Variants in CSMD3 observed in about 807,000 individuals in gnomAD.
The protein encoded by CSMD3 is CUB and Sushi multiple domains 3.
A neutral mutation model predicts 435.2 loss-of-function variants in CSMD3; 177 were observed. The ratio of observed to expected loss-of-function variants is 0.41; its 90% confidence interval spans 0.36 to 0.46. The LOEUF (loss-of-function observed/expected upper bound fraction) is 0.46. Among genes scored for constraint, CSMD3 ranks in the 20% least tolerant of loss-of-function variants. CSMD3 has a pLI of 0.34. For synonymous variants in CSMD3, 1,656 were observed against 1,520.5 expected, an observed-to-expected ratio of 1.09 and a Z score of -2.07; for missense variants, 4,265 against 4,504.6, an observed-to-expected ratio of 0.95 and a Z score of 1.52.
At chr8:113,371,463 G>A (rs2094345668) in intron 1 of CSMD3, among the ~76,000 whole-genome samples, 1 of 152,112 alleles carries the variant, frequency 6.6e-6, no homozygotes, top group East Asian at 1.9e-4. Context: ...AATGACAACA[G>A]AGGTACAATT....
chr8:112,469,160 C>CAAAAAAAAAA (rs71309771), intron 32 of CSMD3, among the ~76,000 whole-genome samples: 1 of 91,638 alleles, frequency 1.1e-5, no homozygotes, highest in Non-Finnish European at 2.2e-5. Flanking sequence ...CTACACCAGG[C>CAAAAAAAAAA]AAAAAAAAAA....
intron 1 of CSMD3, among the ~76,000 whole-genome samples, chr8:113,428,205 TATCTATCTATC>T (rs2094647655): frequency 9.1e-5 from 1 of 11,024 alleles, no homozygotes; most frequent in Non-Finnish European, 3.4e-4. Context: ...AACTGTGGGA[TATCTATCTATC>T]TATCTATCTA....
chr8:112,958,287 T>C (rs1008510057), intron 7 of CSMD3, among the ~76,000 whole-genome samples: 20 of 152,232 alleles, frequency 1.3e-4, no homozygotes, highest in Admixed American at 3.9e-4. Flanking sequence ...TTTTCTTTCA[T>C]ATGCTAAACA....
chr8:112,657,170 C>T (rs2075277840), intron 17 of CSMD3, among the ~76,000 whole-genome samples: 1 of 148,522 alleles, frequency 6.7e-6, no homozygotes, highest in African/African-American at 2.5e-5. Context: ...TAAAGCAATT[C>T]TTGTGCCTCA....
intron 13 of CSMD3, among the ~76,000 whole-genome samples, chr8:112,743,947 T>C (rs1002418040): frequency 1.3e-5 from 2 of 152,010 alleles, no homozygotes; most frequent in Non-Finnish European, 2.9e-5. Flanking sequence ...AAATCTGATA[T>C]AACCGCCAGG....
At chr8:112,712,805 A>G (rs2076638520) in intron 13 of CSMD3, among the ~76,000 whole-genome samples, 2 of 152,138 alleles carry the variant, frequency 1.3e-5, no homozygotes, top group Admixed American at 6.6e-5. Context: ...TAAAAAAAAA[A>G]AAAAAGAGCC....
rs1301238972 is a variant in CSMD3, at chr8:112,650,383, C to T, written c.3005-34G>A. ...CAAAGGGAAGAAAATAAAGAGTAAGCTTGGTGGGATTTGGAGTTGCTGAAA... is the reference window on the plus strand; with the variant it reads ...CAAAGGGAAGAAAATAAAGAGTAAGTTTGGTGGGATTTGGAGTTGCTGAAA... On this transcript the variant is annotated intron_variant, in intron 18 of 70. Transcript: ENST00000297405. 8 of 1,549,002 alleles carry T rather than the reference C, an allele frequency of 5.2e-6. No individual in the cohort carries two copies. The South Asian group carries it at 7.8e-5, about 15-fold the overall frequency.
intron 4 of CSMD3, among the ~76,000 whole-genome samples, chr8:113,112,484 C>CGT (rs1476918436): frequency 0.094 from 13,270 of 141,822 alleles, 1,101 homozygotes; most frequent in Middle Eastern, 0.16. Flanking sequence ...TACACACACA[C>CGT]ACACACACAC....
At chr8:112,337,328 A>T (rs1824671707) in intron 43 of CSMD3, among the ~76,000 whole-genome samples, 1 of 152,170 alleles carries the variant, frequency 6.6e-6, no homozygotes, top group Non-Finnish European at 1.5e-5. Context: ...GTGTGAATCA[A>T]CTATTTTTTC....
chr8:113,035,283 T>C (rs1306715746), intron 5 of CSMD3, among the ~76,000 whole-genome samples: 1 of 152,022 alleles, frequency 6.6e-6, no homozygotes, highest in Non-Finnish European at 1.5e-5. Context: ...GGATTATCAT[T>C]AGATGATGTA....
chr8:112,335,825 T>A lies in CSMD3; in HGVS notation c.7020-351A>T, dbSNP rs1259247782. ...TTTTCTTCAGCAACAGTCTTGAGAA[T>A]CACAGACTGTTAAAGTTACAACTCT... On this transcript the variant is annotated intron_variant, in intron 44 of 70. Transcript: ENST00000297405. Among the ~76,000 whole-genome samples, 3 of 151,908 alleles carry A rather than the reference T, an allele frequency of 2.0e-5. No individual in the cohort carries two copies. In the East Asian group the frequency reaches 5.8e-4, roughly 30 times the overall value.
chr8:113,207,691 A>T (rs969523824), intron 3 of CSMD3, among the ~76,000 whole-genome samples: 4 of 152,126 alleles, frequency 2.6e-5, no homozygotes, highest in East Asian at 1.9e-4. Context: ...CGAATATTAA[A>T]TTTTTTTAAG....
At chr8:112,621,066 C>A (rs867839223) in intron 22 of CSMD3, among the ~76,000 whole-genome samples, 10 of 151,924 alleles carry the variant, frequency 6.6e-5, no homozygotes, top group Middle Eastern at 3.4e-3. Context: ...AGAAACCCTG[C>A]CTCTACTAAA....
chr8:113,222,067 A>G lies in CSMD3; in HGVS notation c.515-48151T>C, dbSNP rs545207537. On this transcript the variant is annotated intron_variant, in intron 3 of 70. Transcript: ENST00000297405. ...AAGGTTAAATAAGAAATATGAATTT[A>G]TGAAATTCAAATAAATAATGTAGAT... 9.9e-5 allele frequency among the ~76,000 whole-genome samples: 15 copies of G among 151,478 alleles called. No homozygotes were observed. In the Admixed American group the frequency reaches 9.9e-4, roughly 10 times the overall value.
At chr8:113,238,319 T>C (rs1469936208) in intron 3 of CSMD3, among the ~76,000 whole-genome samples, 1 of 152,148 alleles carries the variant, frequency 6.6e-6, no homozygotes, top group East Asian at 1.9e-4. Flanking sequence ...GCGGCTTTGC[T>C]TCATGTAATT....
At chr8:113,246,910 T>C (rs553618877) in intron 3 of CSMD3, among the ~76,000 whole-genome samples, 2 of 152,188 alleles carry the variant, frequency 1.3e-5, no homozygotes, top group Non-Finnish European at 2.9e-5. Context: ...TGGAGAGGTT[T>C]GTTTGTGTGC....
intron 5 of CSMD3, among the ~76,000 whole-genome samples, chr8:113,062,926 A>G (rs560790837): frequency 2.0e-5 from 3 of 151,908 alleles, no homozygotes; most frequent in South Asian, 2.1e-4. Context: ...GGTGACTTAC[A>G]TATGTAAATA....
intron 4 of CSMD3, among the ~76,000 whole-genome samples, chr8:113,153,122 A>AG (rs1491549612): frequency 9.7e-6 from 1 of 103,002 alleles, no homozygotes; most frequent in African/African-American, 4.4e-5. Context: ...AGAAAGAAAG[A>AG]AAGAGAAAGA....
intron 1 of CSMD3, among the ~76,000 whole-genome samples, chr8:113,398,686 T>C (rs1483808541): frequency 6.6e-6 from 1 of 152,186 alleles, no homozygotes; most frequent in Non-Finnish European, 1.5e-5. Flanking sequence ...TGCTTATTAT[T>C]AGCATTGTTC....
Sources: allele counts gnomAD v4.1 joint callset (sites outside exome capture counted in the v4.1 genomes callset), GRCh38; gene constraint gnomAD v4.1.1; transcripts MANE v1.5; gene names NCBI Gene and HGNC (gene_info 2026-07-23, HGNC 2026-07-21).